Variants in MAP4 observed in about 807,000 individuals in gnomAD.
MAP4 encodes microtubule-associated protein 4.
A neutral mutation model predicts 170.2 loss-of-function variants in MAP4; 76 were observed. That is an observed-to-expected ratio of 0.45 (90% CI 0.37 to 0.54). The LOEUF (loss-of-function observed/expected upper bound fraction) is 0.54. Ranked by LOEUF, MAP4 falls within the 20% of genes least tolerant of loss-of-function variation. The pLI, the probability that MAP4 is intolerant of heterozygous loss-of-function variation, is 0.00. For missense variants in MAP4, 2,506 were observed against 2,748.0 expected (o/e 0.91, Z 1.97); for synonymous variants, 909 against 994.5 (o/e 0.91, Z 1.62).
intron 15 of MAP4, among the ~76,000 whole-genome samples, chr3:47,869,818 C>T (rs1461926838): frequency 2.0e-5 from 3 of 152,108 alleles, no homozygotes; most frequent in Non-Finnish European, 4.4e-5. Context: ...CCAAGAACTC[C>T]TGTAACTTTT....
intron 1 of MAP4, among the ~76,000 whole-genome samples, chr3:48,064,789 C>T (rs894822244): frequency 4.6e-5 from 7 of 152,158 alleles, no homozygotes. Context: ...TGCTCCTAGG[C>T]TACAAACCTG....
intron 17 of MAP4, among the ~76,000 whole-genome samples, chr3:47,862,936 G>A (rs1252013873): frequency 1.3e-5 from 2 of 150,466 alleles, no homozygotes; most frequent in Non-Finnish European, 3.0e-5. Flanking sequence ...CTACTTGTCT[G>A]TGTTTGAAAA....
Position 47,881,418 on chromosome 3 carries a change from C to T in MAP4, c.5435-3895G>A, listed in dbSNP as rs1430755557. 1.8e-4 allele frequency among the ~76,000 whole-genome samples: 23 copies of T among 128,568 alleles called. No homozygotes were observed. In the South Asian group the frequency reaches 5.6e-3, roughly 31 times the overall value. The allele number at this position is 128,568 out of a possible 152,430, so 84.3% of individuals were successfully genotyped here. A position where few individuals can be genotyped will look rare whatever the true frequency, so the allele number is the denominator to read the frequency against. ...TGTGAGCTATGATCAGGCCACTGCACTCCAGCCTGGGCAACAAGAAAAAAC... is the reference window on the plus strand; with the variant it reads ...TGTGAGCTATGATCAGGCCACTGCATTCCAGCCTGGGCAACAAGAAAAAAC... On this transcript the variant is annotated intron_variant, in intron 10 of 20. Coordinates refer to ENST00000683076, the MANE Select transcript of MAP4 (RefSeq NM_001385682.1).
intron 1 of MAP4, among the ~76,000 whole-genome samples, chr3:48,086,865 T>C (rs767542934): frequency 4.6e-4 from 70 of 152,310 alleles, no homozygotes; most frequent in Middle Eastern, 3.4e-3. Flanking sequence ...TTTGTTTACT[T>C]TGCATGAATA....
At chr3:48,024,419 A>G (rs2100112052) in intron 1 of MAP4, among the ~76,000 whole-genome samples, 1 of 152,158 alleles carries the variant, frequency 6.6e-6, no homozygotes, top group Non-Finnish European at 1.5e-5. Flanking sequence ...GACATTTCCT[A>G]TTTCCCTTGG....
rs137980541 is a variant in MAP4, at chr3:48,007,037, C to T, written c.-19-8158G>A. On this transcript the variant is annotated intron_variant, in intron 1 of 20. Coordinates refer to ENST00000683076, the MANE Select transcript of MAP4 (RefSeq NM_001385682.1). Reference sequence around the variant, plus strand: ...CTACCTCAGGGGTATATCAACTCTCCGGCTTTGTGTCATAATCTTATTTGG... The same window carrying T: ...CTACCTCAGGGGTATATCAACTCTCTGGCTTTGTGTCATAATCTTATTTGG... Among the ~76,000 whole-genome samples the T allele has an allele frequency of 6.3e-3, 959 of 152,362 alleles. 12 individuals are homozygous for T. Among genetic ancestry groups the T allele is most frequent in the African/African-American group, 0.021 (889 of 41,584 alleles).
At chr3:48,001,643 GTACGCACCGCCACACCCAGC>G (rs2100099203) in intron 1 of MAP4, among the ~76,000 whole-genome samples, 1 of 151,258 alleles carries the variant, frequency 6.6e-6, no homozygotes, top group Admixed American at 6.6e-5. Flanking sequence ...GGGATTACAG[GTACGCACCGCCACACCCAGC>G]TAATTTTTGC....
intron 17 of MAP4, among the ~76,000 whole-genome samples, chr3:47,858,614 T>TGTGTGTGTGTGCGC (rs1491506129): frequency 7.2e-6 from 1 of 138,410 alleles, no homozygotes; most frequent in African/African-American, 2.9e-5. Flanking sequence ...TGTGTGTGTG[T>TGTGTGTGTGTGCGC]GCGCGTTGTG....
At chr3:47,863,937 T>TGTGTGTGTGTGTGTGTGGGG (rs374208589) in intron 17 of MAP4, among the ~76,000 whole-genome samples, 2 of 138,478 alleles carry the variant, frequency 1.4e-5, no homozygotes, top group South Asian at 2.4e-4. Context: ...TGTGTGTGTG[T>TGTGTGTGTGTGTGTGTGGGG]GGGGAGTGGT....
chr3:48,015,378 T>A (rs1445250340), intron 1 of MAP4, among the ~76,000 whole-genome samples: 1 of 152,130 alleles, frequency 6.6e-6, no homozygotes, highest in Non-Finnish European at 1.5e-5. Context: ...GACATTTAAA[T>A]GACAGAGAAT....
chr3:47,892,461 G>C lies in MAP4; in HGVS notation c.5434+10489C>G, dbSNP rs867340376. 4 of 1,534,150 alleles carry C rather than the reference G, an allele frequency of 2.6e-6. No homozygotes were observed. In the South Asian group the frequency reaches 4.8e-5, roughly 18 times the overall value. On this transcript the variant is annotated intron_variant, in intron 10 of 20. Coordinates refer to ENST00000683076, the MANE Select transcript of MAP4 (RefSeq NM_001385682.1). ...CTGAGCTGACCGTACGCGGCAGTGA[G>C]AGAGGCTGTCTGCTTGTCTGAGAGC...
At chr3:48,046,308 T>C (rs569479198) in intron 1 of MAP4, among the ~76,000 whole-genome samples, 2 of 152,220 alleles carry the variant, frequency 1.3e-5, no homozygotes, top group African/African-American at 4.8e-5. Flanking sequence ...TTGTTACTTA[T>C]GTAGTGACAG....
intron 1 of MAP4, among the ~76,000 whole-genome samples, chr3:48,066,783 C>T (rs2100138429): frequency 7.0e-6 from 1 of 143,804 alleles, no homozygotes; most frequent in African/African-American, 2.5e-5. Context: ...AAATAGCTGT[C>T]CCCACCTCTT....
At chr3:47,940,048 G>A (rs1047429237) in intron 3 of MAP4, among the ~76,000 whole-genome samples, 5 of 152,038 alleles carry the variant, frequency 3.3e-5, no homozygotes, top group Admixed American at 2.0e-4. Context: ...ATGTTGGTCA[G>A]GCTGGTCTCA....
chr3:48,081,024 T>C (rs1182772835), intron 1 of MAP4, among the ~76,000 whole-genome samples: 2 of 152,206 alleles, frequency 1.3e-5, no homozygotes, highest in Non-Finnish European at 2.9e-5. Flanking sequence ...CTAAAGAGGC[T>C]GAGGCAGGAG....
chr3:47,954,931 T>C (rs1214849416), intron 3 of MAP4, among the ~76,000 whole-genome samples: 1 of 152,182 alleles, frequency 6.6e-6, no homozygotes, highest in Non-Finnish European at 1.5e-5. Context: ...GTCATTTTAA[T>C]AGTAAGGGCT....
chr3:47,938,101 T>C (rs1454880690), intron 3 of MAP4, among the ~76,000 whole-genome samples: 2 of 151,792 alleles, frequency 1.3e-5, no homozygotes, highest in Non-Finnish European at 2.9e-5. Context: ...CTGGGTGTGG[T>C]GGCTCATGCC....
At chr3:47,986,412 C>T (rs192334431) in intron 2 of MAP4, among the ~76,000 whole-genome samples, 2 of 152,264 alleles carry the variant, frequency 1.3e-5, no homozygotes, top group Admixed American at 1.3e-4. Flanking sequence ...ACAATCTCAG[C>T]TCACTGCAAC....
chr3:47,975,906 C>G (rs1045598017), intron 3 of MAP4, among the ~76,000 whole-genome samples: 14 of 151,838 alleles, frequency 9.2e-5, no homozygotes, highest in African/African-American at 3.4e-4. Flanking sequence ...TCTTCTGCCT[C>G]AGCCTCCCAA....
Sources: allele counts gnomAD v4.1 joint callset (sites outside exome capture counted in the v4.1 genomes callset), GRCh38; gene constraint gnomAD v4.1.1; transcripts MANE v1.5; gene names NCBI Gene and HGNC (gene_info 2026-07-23, HGNC 2026-07-21).